Variants in DISC1 observed in about 807,000 individuals in gnomAD.
DISC1 encodes disrupted in schizophrenia 1 protein.
Under a neutral mutation model 84.5 loss-of-function variants are expected in DISC1, and 57 were observed. The observed-to-expected ratio is 0.67, with a 90% confidence interval of 0.55 to 0.84. The LOEUF (loss-of-function observed/expected upper bound fraction) is 0.84. Ranked by LOEUF, DISC1 falls within the 40% of genes least tolerant of loss-of-function variation. The pLI, the probability that DISC1 is intolerant of heterozygous loss-of-function variation, is 0.00. For synonymous variants in DISC1, 411 were observed against 415.2 expected, an observed-to-expected ratio of 0.99 and a Z score of 0.12; for missense variants, 1,000 against 1,057.8, an observed-to-expected ratio of 0.95 and a Z score of 0.76.
intron 9 of DISC1, among the ~76,000 whole-genome samples, chr1:231,920,896 T>C (rs907607919): frequency 1.4e-5 from 2 of 144,924 alleles, no homozygotes; most frequent in South Asian, 4.4e-4. Flanking sequence ...GCCCTAGGAC[T>C]GAACTGCTAT....
At chr1:231,941,762 C>T (rs190491232) in intron 9 of DISC1, among the ~76,000 whole-genome samples, 138 of 151,666 alleles carry the variant, frequency 9.1e-4, no homozygotes, top group African/African-American at 3.1e-3. Flanking sequence ...TGAGCCACCG[C>T]GCCTGGTCTG....
rs183822005 is a variant in DISC1, at chr1:231,948,443, C to T, written c.1982-10385C>T. ...ACATAGGGAGGGGAACATCACACAC[C>T]GGGGCCTGTCGGGTGGTGGGGGGCT... On this transcript the variant is annotated intron_variant, in intron 9 of 12. Coordinates refer to ENST00000439617, the MANE Select transcript of DISC1 (RefSeq NM_018662.3). Among the ~76,000 whole-genome samples the T allele has an allele frequency of 4.9e-4, 75 of 152,048 alleles. No homozygotes were observed. In the Middle Eastern group the frequency reaches 0.027, roughly 55 times the overall value.
intron 9 of DISC1, among the ~76,000 whole-genome samples, chr1:231,913,962 A>C (rs1357652791): frequency 6.6e-6 from 1 of 152,188 alleles, no homozygotes; most frequent in East Asian, 1.9e-4. Context: ...AATTTCATAC[A>C]GCTCTAAGTG....
intron 6 of DISC1, among the ~76,000 whole-genome samples, chr1:231,789,639 C>T (rs2078164413): frequency 6.6e-6 from 1 of 152,126 alleles, no homozygotes; most frequent in African/African-American, 2.4e-5. Flanking sequence ...TTCTCACTCC[C>T]AAGTCATTGA....
In DISC1 at chr1:232,036,704, G is replaced by C; in HGVS notation, c.2438G>C (p.Arg813Thr). The change falls in exon 13 of 13, where the codon AGG becomes ACG. Residue 813 changes from arginine to threonine, a missense_variant. This residue lies in a region of DISC1 where 397 missense variants were observed against 377.5 expected (regional missense o/e 1.05). Transcript: ENST00000439617. ...ACAATGTGCCCACAGTCTCTCAGGAGGGAGCTCCAGATGGTGAAGGAAACT... is the reference window on the plus strand; with the variant it reads ...ACAATGTGCCCACAGTCTCTCAGGACGGAGCTCCAGATGGTGAAGGAAACT... ...HDEDLIQSLR[R>T]ELQMVKETLQ... 1 of 1,599,426 alleles carries C rather than the reference G, an allele frequency of 6.3e-7. No individual in the cohort carries two copies. Among genetic ancestry groups the C allele is most frequent in the Non-Finnish European group, 8.6e-7 (1 of 1,168,630 alleles).
chr1:231,651,435 C>T (rs2060615013), intron 1 of DISC1, among the ~76,000 whole-genome samples: 1 of 152,198 alleles, frequency 6.6e-6, no homozygotes, highest in Non-Finnish European at 1.5e-5. Context: ...GTAAATATTG[C>T]TGCCTGATCC....
rs746258574 is a variant in DISC1 at position 231,693,919 on chromosome 1, T to G, written c.161T>G (p.Ile54Ser). The change falls in exon 2 of 13, where the codon ATC (isoleucine) becomes AGC (serine). Residue 54 changes from isoleucine (I) to serine (S), a missense_variant. This residue lies in a region of DISC1 where 292 missense variants were observed against 280.2 expected (regional missense o/e 1.04). Transcript: ENST00000439617. ...ATGAGAAGCTCGACAGGGCCTGGGA[T>G]CGGGTTCCTTTCCCCAGCAGTGGGC... Reference protein sequence around the residue: ...GYMRSSTGPGIGFLSPAVGTL... With the variant: ...GYMRSSTGPGSGFLSPAVGTL... 16 of 1,614,132 alleles carry G rather than the reference T, an allele frequency of 9.9e-6. No homozygotes were observed. The Middle Eastern group carries it at 5.0e-4, about 50-fold the overall frequency.
chr1:231,688,431 T>C (rs1306219689), intron 1 of DISC1, among the ~76,000 whole-genome samples: 1 of 152,222 alleles, frequency 6.6e-6, no homozygotes, highest in Non-Finnish European at 1.5e-5. Context: ...GTGGCATTCA[T>C]TTTCTCAAAG....
intron 9 of DISC1, among the ~76,000 whole-genome samples, chr1:231,937,348 C>T (rs951266616): frequency 1.3e-5 from 2 of 152,138 alleles, no homozygotes; most frequent in Non-Finnish European, 2.9e-5. Flanking sequence ...AAACAAATAC[C>T]AGGAAACTGT....
chr1:232,029,084 T>C (rs1167626960), intron 12 of DISC1, among the ~76,000 whole-genome samples: 1 of 152,196 alleles, frequency 6.6e-6, no homozygotes, highest in Admixed American at 6.5e-5. Flanking sequence ...GAACACACAA[T>C]TACTTTAAAT....
chr1:231,692,342 G>A (rs1038793323), intron 1 of DISC1, among the ~76,000 whole-genome samples: 3 of 152,112 alleles, frequency 2.0e-5, no homozygotes, highest in Admixed American at 6.5e-5. Flanking sequence ...GGAGCTCCCC[G>A]CAATTGGCAA....
intron 9 of DISC1, among the ~76,000 whole-genome samples, chr1:231,829,287 TATA>T (rs2082058915): frequency 6.6e-6 from 1 of 152,246 alleles, no homozygotes; most frequent in South Asian, 2.1e-4. Context: ...AGATTATTAG[TATA>T]ATAACAGAGT....
intron 3 of DISC1, chr1:231,745,511 C>A: frequency 4.7e-6 from 1 of 211,732 alleles, no homozygotes; most frequent in Middle Eastern, 5.4e-4. Flanking sequence ...TATGAGCCAC[C>A]GCGCTCAGCC....
intron 9 of DISC1, among the ~76,000 whole-genome samples, chr1:231,923,307 C>CAAAAAA (rs1461560372): frequency 4.3e-5 from 6 of 138,562 alleles, no homozygotes; most frequent in African/African-American, 1.6e-4. Flanking sequence ...CAAAAAAAAC[C>CAAAAAA]AAAAAAAAAA....
chr1:231,787,397 A>AGAGAGT (rs1334935521), intron 6 of DISC1, among the ~76,000 whole-genome samples: 1 of 152,180 alleles, frequency 6.6e-6, no homozygotes, highest in East Asian at 1.9e-4. Flanking sequence ...AGAGGGAAAG[A>AGAGAGT]GAGAGTGAGA....
Position 231,992,427 on chromosome 1 carries a change from G to C in DISC1, c.2043-16358G>C, listed in dbSNP as rs571476018. ...AAATCTAACTCATAGACCATGCAAC[G>C]TGTTAGAAATATTTTTTTCTAATAT... On this transcript the variant is annotated intron_variant, in intron 10 of 12. Transcript: ENST00000439617. 2.0e-5 allele frequency among the ~76,000 whole-genome samples: 3 copies of C among 152,060 alleles called. No homozygotes were observed. In the East Asian group the frequency reaches 5.8e-4, roughly 29 times the overall value.
intron 9 of DISC1, among the ~76,000 whole-genome samples, chr1:231,886,755 C>CT (rs2086710071): frequency 1.1e-5 from 1 of 88,728 alleles, no homozygotes; most frequent in Non-Finnish European, 2.4e-5. Flanking sequence ...TTCTTCCTTT[C>CT]TTCCTTCCTT....
chr1:231,952,090 C>CAAAAAAAAAAAAAAAAA (rs11392611), intron 9 of DISC1, among the ~76,000 whole-genome samples: 5 of 54,240 alleles, frequency 9.2e-5, no homozygotes, highest in African/African-American at 1.8e-4. Context: ...CTCAATGTCT[C>CAAAAAAAAAAAAAAAAA]AAAAAAAAAA....
chr1:231,719,936 G>A (rs2069398844), intron 3 of DISC1, among the ~76,000 whole-genome samples: 1 of 152,208 alleles, frequency 6.6e-6, no homozygotes, highest in Non-Finnish European at 1.5e-5. Context: ...GCTGATGACA[G>A]CGATGTAGCA....
Sources: allele counts gnomAD v4.1 joint callset (sites outside exome capture counted in the v4.1 genomes callset), GRCh38; gene constraint gnomAD v4.1.1; regional missense constraint gnomAD v4.1.1; transcripts MANE v1.5; gene names NCBI Gene and HGNC (gene_info 2026-07-23, HGNC 2026-07-21).